Variants in EFCAB5 observed in about 807,000 individuals in gnomAD.
The protein encoded by EFCAB5 is EF-hand calcium-binding domain-containing protein 5.
A neutral mutation model predicts 167.9 loss-of-function variants in EFCAB5; 131 were observed. The ratio of observed to expected loss-of-function variants is 0.78; its 90% confidence interval spans 0.68 to 0.90. The LOEUF (loss-of-function observed/expected upper bound fraction) is 0.90, where lower values mean the gene tolerates loss of function less well. EFCAB5 is among the 40% of genes least tolerant of loss of function. The pLI, the probability that EFCAB5 is intolerant of heterozygous loss-of-function variation, is 0.00. For synonymous variants in EFCAB5, 574 were observed against 602.8 expected (o/e 0.95, Z 0.70); for missense variants, 1,663 against 1,745.2 (o/e 0.95, Z 0.84).
intron 22 of EFCAB5, among the ~76,000 whole-genome samples, chr17:30,098,025 C>T (rs148421957): frequency 1.2e-3 from 183 of 152,278 alleles, no homozygotes; most frequent in South Asian, 3.1e-3. Context: ...GCCTCGACCT[C>T]CCTGGCTCAA....
intron 8 of EFCAB5, among the ~76,000 whole-genome samples, chr17:30,034,803 A>C (rs369003073): frequency 3.9e-4 from 59 of 152,340 alleles, no homozygotes; most frequent in African/African-American, 1.3e-3. Context: ...GCTTCCTAGC[A>C]GTGAATGTGA....
chr17:29,936,395 T>A (rs1486215043), intron 1 of EFCAB5, among the ~76,000 whole-genome samples: 1 of 152,154 alleles, frequency 6.6e-6, no homozygotes, highest in African/African-American at 2.4e-5. Context: ...ACATGGCACA[T>A]GTATACATAC....
intron 2 of EFCAB5, 134 bp from the exon 3 acceptor site, chr17:29,943,431 C>A: frequency 1.5e-6 from 1 of 655,686 alleles, no homozygotes; most frequent in Non-Finnish European, 2.5e-6. Flanking sequence ...AGCATTAGAT[C>A]CCAGAAAAAT....
rs2070166559 is a variant in EFCAB5 at position 30,053,642 on chromosome 17, T to C, written c.1688T>C (p.Leu563Pro). 6.2e-7 allele frequency: 1 copy of C among 1,613,664 alleles called. No homozygotes were observed. The highest frequency in any genetic ancestry group is 8.5e-7 in the Non-Finnish European group (1 of 1,179,792). The part of the protein sequence containing the change: ...TLEQGSSRRL[L>P]TEQETHREST... ...GAACAAGGGTCAAGTAGAAGGTTAC[T>C]GACAGAACAAGAAACACACAGAGAG... The change falls in exon 10 of 23, where the codon CTG becomes CCG. Residue 563 changes from leucine to proline, a missense_variant. Physicochemically the swap from Leu to Pro is moderately conservative, Grantham distance 98. Coordinates refer to ENST00000394835, the MANE Select transcript of EFCAB5 (RefSeq NM_198529.4).
intron 3 of EFCAB5, among the ~76,000 whole-genome samples, chr17:29,956,843 GAGAA>G (rs879528162): frequency 6.6e-6 from 1 of 152,048 alleles, no homozygotes; most frequent in East Asian, 1.9e-4. Flanking sequence ...GAGGGAGAGA[GAGAA>G]AGAAAGAGAG....
intron 20 of EFCAB5, among the ~76,000 whole-genome samples, chr17:30,091,217 C>T (rs1003632274): frequency 6.6e-6 from 1 of 152,160 alleles, no homozygotes; most frequent in African/African-American, 2.4e-5. Flanking sequence ...CAATAGCAAG[C>T]TGGTGGGAGA....
intron 4 of EFCAB5, among the ~76,000 whole-genome samples, chr17:29,987,829 AG>A (rs915073212): frequency 6.6e-6 from 1 of 152,228 alleles, no homozygotes; most frequent in Non-Finnish European, 1.5e-5. Context: ...GCACTGCAAA[AG>A]GTGATGTTTA....
chr17:30,085,029 G>T (rs2071060713), intron 18 of EFCAB5, among the ~76,000 whole-genome samples: 1 of 151,976 alleles, frequency 6.6e-6, no homozygotes, highest in Non-Finnish European at 1.5e-5. Context: ...AGTGGTAACA[G>T]CTCTTCCTTA....
chr17:30,079,847 C>G (rs2070946950), intron 15 of EFCAB5, among the ~76,000 whole-genome samples: 1 of 152,118 alleles, frequency 6.6e-6, no homozygotes, highest in Non-Finnish European at 1.5e-5. Flanking sequence ...GTAAACCAGT[C>G]CAGTTGGCAT....
intron 6 of EFCAB5, 99 bp downstream of exon 6, chr17:29,996,459 C>T: frequency 1.9e-6 from 2 of 1,078,298 alleles, no homozygotes; most frequent in Non-Finnish European, 2.7e-6. Context: ...AGATGTTATT[C>T]AAAACTCTTG....
chr17:29,933,229 A>G (rs762884116), intron 1 of EFCAB5, among the ~76,000 whole-genome samples: 3 of 152,236 alleles, frequency 2.0e-5, no homozygotes, highest in Non-Finnish European at 4.4e-5. Context: ...GAAGAAGTCT[A>G]TATACGTACA....
chr17:30,070,415 G>C (rs1317644188), intron 14 of EFCAB5, among the ~76,000 whole-genome samples: 1 of 152,038 alleles, frequency 6.6e-6, no homozygotes, highest in African/African-American at 2.4e-5. Flanking sequence ...GAACAAAGAG[G>C]CATCACACTA....
chr17:30,053,661 CAGAG>C lies in EFCAB5; in HGVS notation c.1710_1713del (p.Arg570SerfsTer13). The C allele has an allele frequency of 6.2e-7, 1 of 1,613,944 alleles. No individual in the cohort carries two copies. On this transcript the variant is annotated frameshift_variant, in exon 10 of 23. Coordinates refer to ENST00000394835, the MANE Select transcript of EFCAB5 (RefSeq NM_198529.4). LOFTEE classifies it high-confidence loss of function. ...GGTTACTGACAGAACAAGAAACACACAGAGAGTCAACTACAGAACAAGGACAGCA... is the reference window on the plus strand; with the variant it reads ...GGTTACTGACAGAACAAGAAACACACAGTCAACTACAGAACAAGGACAGCA...
At chr17:29,947,533 T>C (rs138391762) in intron 3 of EFCAB5, among the ~76,000 whole-genome samples, 160 of 152,320 alleles carry the variant, frequency 1.1e-3, no homozygotes, top group African/African-American at 3.7e-3. Context: ...AATTCATCCA[T>C]GTAACCAAAA....
At chr17:30,023,006 G>C (rs1056561279) in intron 7 of EFCAB5, among the ~76,000 whole-genome samples, 40 of 151,802 alleles carry the variant, frequency 2.6e-4, no homozygotes, top group African/African-American at 9.7e-4. Context: ...CAACATACCA[G>C]AATCTCTGGG....
At chr17:29,974,803 G>T (rs991077342) in intron 4 of EFCAB5, among the ~76,000 whole-genome samples, 3 of 152,108 alleles carry the variant, frequency 2.0e-5, no homozygotes, top group Non-Finnish European at 4.4e-5. Flanking sequence ...AGAGAGCATG[G>T]CTGTGTTCCA....
intron 7 of EFCAB5, among the ~76,000 whole-genome samples, chr17:30,004,978 A>G (rs1414028867): frequency 4.0e-5 from 6 of 151,844 alleles, no homozygotes; most frequent in Non-Finnish European, 8.8e-5. Flanking sequence ...CTAGAGCTGT[A>G]AGAAAATAAA....
chr17:30,010,322 A>G (rs1236385466), intron 7 of EFCAB5, among the ~76,000 whole-genome samples: 1 of 152,250 alleles, frequency 6.6e-6, no homozygotes, highest in East Asian at 1.9e-4. Flanking sequence ...GTATATACCC[A>G]GTAATGGGAT....
At chr17:30,081,455 GT>G (rs1259906873) in intron 17 of EFCAB5, among the ~76,000 whole-genome samples, 1 of 152,122 alleles carries the variant, frequency 6.6e-6, no homozygotes, top group Non-Finnish European at 1.5e-5. Flanking sequence ...AGGCCTAAAT[GT>G]TTCTTGGGTA....
Sources: allele counts gnomAD v4.1 joint callset (sites outside exome capture counted in the v4.1 genomes callset), GRCh38; gene constraint gnomAD v4.1.1; transcripts MANE v1.5; gene names NCBI Gene and HGNC (gene_info 2026-07-23, HGNC 2026-07-21).